The following SH3RF3 variants were observed in gnomAD, a reference collection of about 807,000 sequenced individuals.
SH3RF3 encodes SH3 domain containing ring finger 3.
SH3RF3 carries 29 observed loss-of-function variants against 66.3 expected under a neutral mutation model. The observed-to-expected ratio is 0.44, with a 90% confidence interval of 0.33 to 0.60. The LOEUF (loss-of-function observed/expected upper bound fraction) is 0.60. SH3RF3 is among the 20% of genes least tolerant of loss of function. SH3RF3 has a pLI of 0.04. For synonymous variants in SH3RF3, 583 were observed against 532.0 expected (o/e 1.10, Z -1.32); for missense variants, 1,194 against 1,190.9 (o/e 1.00, Z -0.04).
intron 6 of SH3RF3, among the ~76,000 whole-genome samples, chr2:109,434,188 C>T (rs781429241): frequency 2.6e-5 from 4 of 152,224 alleles, no homozygotes; most frequent in Non-Finnish European, 5.9e-5. Context: ...TGGCACCCTC[C>T]AGGAAGGCGC....
intron 1 of SH3RF3, among the ~76,000 whole-genome samples, chr2:109,209,464 G>A (rs941462845): frequency 6.6e-6 from 1 of 152,166 alleles, no homozygotes; most frequent in South Asian, 2.1e-4. Flanking sequence ...CCATGGGTTG[G>A]GAGAGCTGCA....
chr2:109,148,392 G>A (rs979063082), intron 1 of SH3RF3, among the ~76,000 whole-genome samples: 3 of 152,196 alleles, frequency 2.0e-5, no homozygotes, highest in African/African-American at 7.2e-5. Flanking sequence ...AGCCATCATA[G>A]GGAGGGCTTC....
intron 7 of SH3RF3, among the ~76,000 whole-genome samples, chr2:109,444,159 TAAAG>T (rs1163276253): frequency 6.6e-6 from 1 of 152,174 alleles, no homozygotes; most frequent in African/African-American, 2.4e-5. Flanking sequence ...ACCCATATAT[TAAAG>T]AACAAATCAA....
At chr2:109,478,314 C>G (rs1389769933) in intron 8 of SH3RF3, among the ~76,000 whole-genome samples, 1 of 152,186 alleles carries the variant, frequency 6.6e-6, no homozygotes, top group Non-Finnish European at 1.5e-5. Context: ...TTTGGATTCC[C>G]TAGGCTGTCT....
At chr2:109,416,428 T>A (rs1473519514) in intron 4 of SH3RF3, among the ~76,000 whole-genome samples, 1 of 151,988 alleles carries the variant, frequency 6.6e-6, no homozygotes, top group East Asian at 2.0e-4. Context: ...AACCCCCCCG[T>A]TTCTACTAAA....
chr2:109,381,547 G>A (rs1191511056), intron 3 of SH3RF3, among the ~76,000 whole-genome samples: 2 of 152,040 alleles, frequency 1.3e-5, no homozygotes, highest in African/African-American at 4.8e-5. Flanking sequence ...CCCTGACTCA[G>A]CTTCCAGTCC....
intron 3 of SH3RF3, among the ~76,000 whole-genome samples, chr2:109,386,797 A>G (rs748998548): frequency 1.3e-5 from 2 of 152,132 alleles, no homozygotes; most frequent in Non-Finnish European, 2.9e-5. Flanking sequence ...CTGAAACATC[A>G]TGCTCTTAAA....
At chr2:109,388,693 T>C (rs958858231) in intron 3 of SH3RF3, among the ~76,000 whole-genome samples, 3 of 152,216 alleles carry the variant, frequency 2.0e-5, no homozygotes, top group African/African-American at 7.2e-5. Flanking sequence ...CACTAAACAT[T>C]TGAAGCATCT....
chr2:109,381,897 G>T (rs1269625877), intron 3 of SH3RF3, among the ~76,000 whole-genome samples: 1 of 152,112 alleles, frequency 6.6e-6, no homozygotes, highest in Non-Finnish European at 1.5e-5. Context: ...CATGTGCAAT[G>T]GGCAAACATG....
intron 1 of SH3RF3, among the ~76,000 whole-genome samples, chr2:109,331,831 CA>C (rs1408477384): frequency 1.3e-5 from 2 of 152,104 alleles, no homozygotes; most frequent in African/African-American, 4.8e-5. Flanking sequence ...AGATCTTTGC[CA>C]GGGGCACCCT....
chr2:109,140,006 A>G (rs1159400306), intron 1 of SH3RF3, among the ~76,000 whole-genome samples: 1 of 152,206 alleles, frequency 6.6e-6, no homozygotes. Context: ...GATCAGAGGT[A>G]GTGACTCATG....
intron 1 of SH3RF3, among the ~76,000 whole-genome samples, chr2:109,335,731 C>T (rs1000686741): frequency 1.4e-4 from 21 of 152,294 alleles, no homozygotes; most frequent in Admixed American, 7.8e-4. Flanking sequence ...ACGCCAGAAC[C>T]GCACCCCACA....
intron 1 of SH3RF3, among the ~76,000 whole-genome samples, chr2:109,294,829 G>A (rs1245368063): frequency 1.3e-5 from 2 of 152,186 alleles, no homozygotes; most frequent in Non-Finnish European, 2.9e-5. Context: ...CCAAGCCTCT[G>A]CCCCAGAGCT....
chr2:109,407,078 A>G (rs1474492676), intron 4 of SH3RF3, among the ~76,000 whole-genome samples: 2 of 152,132 alleles, frequency 1.3e-5, no homozygotes, highest in Non-Finnish European at 2.9e-5. Context: ...ACCCACTAAT[A>G]CTGCCCATGA....
intron 1 of SH3RF3, among the ~76,000 whole-genome samples, chr2:109,266,494 C>A (rs1405720352): frequency 6.6e-6 from 1 of 152,128 alleles, no homozygotes; most frequent in East Asian, 1.9e-4. Context: ...CCTTAATCTG[C>A]CCCTTCACTG....
At chr2:109,240,947 ACCT>A (rs1198553317) in intron 1 of SH3RF3, among the ~76,000 whole-genome samples, 1 of 143,192 alleles carries the variant, frequency 7.0e-6, no homozygotes, top group Non-Finnish European at 1.5e-5. Flanking sequence ...TTTCTCCCTC[ACCT>A]CCTTATAATC....
intron 3 of SH3RF3, among the ~76,000 whole-genome samples, chr2:109,377,703 T>C (rs1258905367): frequency 6.6e-6 from 1 of 151,966 alleles, no homozygotes; most frequent in African/African-American, 2.4e-5. Context: ...CGTTTGAGAG[T>C]GCTTATCTTC....
chr2:109,147,897 TTA>T (rs1677137010), intron 1 of SH3RF3, among the ~76,000 whole-genome samples: 1 of 152,218 alleles, frequency 6.6e-6, no homozygotes, highest in East Asian at 1.9e-4. Context: ...AACTCTGCGT[TTA>T]TAGTTATTGA....
chr2:109,430,815 C>A (rs1360437982), intron 5 of SH3RF3, among the ~76,000 whole-genome samples: 1 of 152,250 alleles, frequency 6.6e-6, no homozygotes. Flanking sequence ...AGAGTTGGTC[C>A]TAATTTCACT....
Sources: allele counts gnomAD v4.1 joint callset (sites outside exome capture counted in the v4.1 genomes callset), GRCh38; gene constraint gnomAD v4.1.1; transcripts MANE v1.5; gene names NCBI Gene and HGNC (gene_info 2026-07-23, HGNC 2026-07-21).